Variants in GPC5 observed in about 807,000 individuals in gnomAD.
GPC5 encodes the protein glypican-5.
Under a neutral mutation model 53.9 loss-of-function variants are expected in GPC5, and 47 were observed. The ratio of observed to expected loss-of-function variants is 0.87; its 90% CI spans 0.69 to 1.11. The LOEUF (loss-of-function observed/expected upper bound fraction) is 1.11. Among genes scored for constraint, GPC5 ranks in the 50% most tolerant of loss-of-function variants. The probability of loss-of-function intolerance (pLI) is 0.00; values close to 1 mark genes in which losing one functional copy is unlikely to be tolerated. For synonymous variants in GPC5, 286 were observed against 263.3 expected (o/e 1.09, Z -0.84); for missense variants, 748 against 713.1 (o/e 1.05, Z -0.56).
At chr13:92,276,351 T>C (rs1286926852) in intron 7 of GPC5, among the ~76,000 whole-genome samples, 2 of 152,142 alleles carry the variant, frequency 1.3e-5, no homozygotes, top group Non-Finnish European at 2.9e-5. Context: ...TGTTTTGCCA[T>C]TATACTTTCT....
At position 92,053,998 on chromosome 13, in the gene GPC5, C is replaced by T. The variant is rs898502042; in HGVS notation, c.1402-90832C>T. Among the ~76,000 whole-genome samples, 3 of 150,984 alleles carry T rather than the reference C, an allele frequency of 2.0e-5. No homozygotes were observed. The East Asian group carries it at 5.9e-4, about 30-fold the overall frequency. On this transcript the variant is annotated intron_variant, in intron 6 of 7. Coordinates refer to ENST00000377067, the MANE Select transcript of GPC5 (RefSeq NM_004466.6). The stretch of plus-strand genomic sequence containing the variant: ...GATGAGCTGAGATCGCGCCACTGCA[C>T]TCCAGCCTGGGCAAGAAGAGTGAAA...
At chr13:92,759,182 G>C (rs1259927131) in intron 7 of GPC5, among the ~76,000 whole-genome samples, 2 of 150,292 alleles carry the variant, frequency 1.3e-5, no homozygotes, top group African/African-American at 5.0e-5. Context: ...AAATCAGTAA[G>C]GGTAATACCT....
intron 7 of GPC5, among the ~76,000 whole-genome samples, chr13:92,703,584 TATAA>T (rs1887836059): frequency 6.7e-6 from 1 of 150,124 alleles, no homozygotes; most frequent in Non-Finnish European, 1.5e-5. Flanking sequence ...ATAAATTCAT[TATAA>T]ATAATTTATT....
intron 7 of GPC5, among the ~76,000 whole-genome samples, chr13:92,365,194 T>C (rs79098859): frequency 1.3e-5 from 2 of 151,832 alleles, no homozygotes; most frequent in Non-Finnish European, 2.9e-5. Context: ...CTGTGTGATA[T>C]AGCCTGTTGC....
intron 7 of GPC5, among the ~76,000 whole-genome samples, chr13:92,328,686 T>C (rs1211892710): frequency 1.3e-5 from 2 of 152,130 alleles, no homozygotes; most frequent in African/African-American, 4.8e-5. Context: ...CATCACTCCA[T>C]GTTCATGGAA....
chr13:92,032,380 A>G (rs568260204), intron 6 of GPC5, among the ~76,000 whole-genome samples: 1 of 151,644 alleles, frequency 6.6e-6, no homozygotes, highest in Non-Finnish European at 1.5e-5. Flanking sequence ...AGAAATCACC[A>G]CTAAAGAACT....
At chr13:91,614,486 T>A (rs1187862874) in intron 2 of GPC5, among the ~76,000 whole-genome samples, 1 of 151,998 alleles carries the variant, frequency 6.6e-6, no homozygotes. Context: ...TGCACACTAC[T>A]GTGCTTGGCT....
At chr13:92,006,632 T>C (rs911261591) in intron 6 of GPC5, among the ~76,000 whole-genome samples, 2 of 152,148 alleles carry the variant, frequency 1.3e-5, no homozygotes, top group Admixed American at 6.5e-5. Flanking sequence ...CATTTACCTT[T>C]AAGTTACTTC....
intron 7 of GPC5, among the ~76,000 whole-genome samples, chr13:92,518,858 T>A (rs943941685): frequency 3.3e-5 from 5 of 152,098 alleles, no homozygotes; most frequent in African/African-American, 9.7e-5. Flanking sequence ...GTCAAGACCC[T>A]TCAGTGTGCT....
At chr13:92,163,421 A>G (rs1340622039) in intron 7 of GPC5, among the ~76,000 whole-genome samples, 1 of 146,318 alleles carries the variant, frequency 6.8e-6, no homozygotes, top group African/African-American at 2.6e-5. Flanking sequence ...AGATTGCACC[A>G]CTGCAGTCCT....
intron 7 of GPC5, among the ~76,000 whole-genome samples, chr13:92,595,597 T>C (rs2139073164): frequency 6.6e-6 from 1 of 151,308 alleles, no homozygotes; most frequent in Non-Finnish European, 1.5e-5. Flanking sequence ...TGAAACCCCG[T>C]CTCTACTGAA....
At chr13:92,225,208 C>T (rs2042476581) in intron 7 of GPC5, among the ~76,000 whole-genome samples, 1 of 152,170 alleles carries the variant, frequency 6.6e-6, no homozygotes, top group South Asian at 2.1e-4. Context: ...CTTTGATTAT[C>T]TGAATTATTC....
intron 1 of GPC5, among the ~76,000 whole-genome samples, chr13:91,438,468 G>A (rs945895611): frequency 2.0e-5 from 3 of 152,236 alleles, no homozygotes; most frequent in African/African-American, 7.2e-5. Flanking sequence ...GGAGGCTGCA[G>A]AACAGCGGAT....
At chr13:92,846,186 G>C (rs73630970) in intron 7 of GPC5, among the ~76,000 whole-genome samples, 1 of 152,140 alleles carries the variant, frequency 6.6e-6, no homozygotes, top group African/African-American at 2.4e-5. Flanking sequence ...AGTGCTGAGC[G>C]AAGGAGGGAA....
intron 5 of GPC5, among the ~76,000 whole-genome samples, chr13:91,792,780 G>T (rs561766544): frequency 1.3e-5 from 2 of 152,044 alleles, no homozygotes; most frequent in Non-Finnish European, 2.9e-5. Flanking sequence ...TGAATTCTTC[G>T]ATCAAAAGCA....
At position 91,515,896 on chromosome 13, in the gene GPC5, G is replaced by A. The variant is rs896010138; in HGVS notation, c.325+66974G>A. 3.3e-5 allele frequency among the ~76,000 whole-genome samples: 5 copies of A among 152,064 alleles called. No homozygotes were observed. The East Asian group carries it at 9.6e-4, about 29-fold the overall frequency. ...AGGTCTCAGAATCATGGCAGGAGGT[G>A]AAAGGCACTTCTTCATGGCAGTGGC... On this transcript the variant is annotated intron_variant, in intron 2 of 7. Transcript: ENST00000377067.
chr13:91,708,070 A>G (rs962976171), intron 3 of GPC5, among the ~76,000 whole-genome samples: 1 of 152,192 alleles, frequency 6.6e-6, no homozygotes, highest in African/African-American at 2.4e-5. Flanking sequence ...AGCTGAGCAG[A>G]CAGGAGTTAA....
At chr13:91,400,296 T>TA (rs1183989055) in intron 1 of GPC5, among the ~76,000 whole-genome samples, 1 of 152,184 alleles carries the variant, frequency 6.6e-6, no homozygotes, top group African/African-American at 2.4e-5. Flanking sequence ...CCGCTTTTCT[T>TA]GATTGCTTTG....
At chr13:91,657,723 T>C (rs980210470) in intron 2 of GPC5, among the ~76,000 whole-genome samples, 2 of 152,192 alleles carry the variant, frequency 1.3e-5, no homozygotes, top group African/African-American at 4.8e-5. Context: ...GCCTAAGTTA[T>C]ATAACTTGTC....
Sources: allele counts gnomAD v4.1 joint callset (sites outside exome capture counted in the v4.1 genomes callset), GRCh38; gene constraint gnomAD v4.1.1; transcripts MANE v1.5; gene names NCBI Gene and HGNC (gene_info 2026-07-23, HGNC 2026-07-21).